The following CELF2 variants were observed in gnomAD, a reference collection of about 807,000 sequenced individuals.
CELF2 encodes the protein CUGBP Elav-like family member 2.
CELF2 carries 8 observed loss-of-function variants against 62.6 expected under a neutral mutation model. That is an observed-to-expected ratio of 0.13 (90% CI 0.07 to 0.23). CELF2 has a LOEUF of 0.23. Ranked by LOEUF, CELF2 falls within the 10% of genes least tolerant of loss-of-function variation. The pLI is 1.00. For missense variants in CELF2, 333 were observed against 671.0 expected, an observed-to-expected ratio of 0.50 and a Z score of 5.56; for synonymous variants, 258 against 250.0, an observed-to-expected ratio of 1.03 and a Z score of -0.30.
the CELF2 span, among the ~76,000 whole-genome samples, chr10:10,618,627 G>T: frequency 1.3e-5 from 2 of 152,178 alleles, no homozygotes; most frequent in African/African-American, 4.8e-5. Flanking sequence ...TAAGTTCCCT[G>T]AGGACAGGAA....
At chr10:10,793,831 C>A (rs1278906693), upstream of CELF2, among the ~76,000 whole-genome samples, 1 of 152,078 alleles carries the variant, frequency 6.6e-6, no homozygotes, top group Non-Finnish European at 1.5e-5. Flanking sequence ...CCATTACCAA[C>A]CTCCATAAAT....
the CELF2 span, among the ~76,000 whole-genome samples, chr10:10,732,669 A>G: frequency 6.6e-6 from 1 of 151,746 alleles, no homozygotes; most frequent in African/African-American, 2.4e-5. Context: ...GATTACAGGC[A>G]CCCACCACCA....
the CELF2 span, among the ~76,000 whole-genome samples, chr10:10,624,288 A>G: frequency 2.0e-5 from 3 of 152,218 alleles, no homozygotes; most frequent in African/African-American, 7.2e-5. Flanking sequence ...CAGTTTTTAC[A>G]GTCCTCAACT....
chr10:11,278,751 G>C (rs368329823), intron 8 of CELF2, among the ~76,000 whole-genome samples: 3 of 152,220 alleles, frequency 2.0e-5, no homozygotes, highest in African/African-American at 7.2e-5. Flanking sequence ...AGTAATGTGA[G>C]ACCACAGCAC....
chr10:11,175,062 GC>G lies in CELF2; in HGVS notation c.271+9387del, dbSNP rs10629889. ...GCTAGTATTAACATGTTTAAAGTCT[GC>G]CCCCCCGCCCCAAATGCTAAACGTT... On this transcript the variant is annotated intron_variant, in intron 2 of 12. Coordinates refer to ENST00000633077, the MANE Select transcript of CELF2 (RefSeq NM_001326342.2). 4.2e-5 allele frequency among the ~76,000 whole-genome samples: 6 copies of G among 143,206 alleles called. No individual in the cohort carries two copies. The East Asian group carries it at 1.1e-3, about 26-fold the overall frequency. 93.9% of individuals were successfully genotyped at this position (143,206 alleles called of 152,430 possible).
At chr10:11,017,868 C>T, upstream of CELF2, 1 of 856,928 alleles carries the variant, frequency 1.2e-6, no homozygotes, top group Non-Finnish European at 1.4e-6. The surrounding 1 kb of genome is among the most constrained non-coding windows in gnomAD (Gnocchi z 5.5). Context: ...GCCCCGCGAG[C>T]TCCGCCCCCG....
At chr10:10,809,759 T>C (rs1320489428) in intron 1 of CELF2, among the ~76,000 whole-genome samples, 1 of 152,210 alleles carries the variant, frequency 6.6e-6, no homozygotes, top group Non-Finnish European at 1.5e-5. Context: ...ATTCTTGAAC[T>C]GAAGTTTGTG....
intron 1 of CELF2, among the ~76,000 whole-genome samples, chr10:11,036,595 A>G (rs2060985183): frequency 1.3e-5 from 2 of 152,206 alleles, no homozygotes; most frequent in African/African-American, 4.8e-5. Context: ...TAGATAAATA[A>G]ATGGGAATCA....
chr10:11,187,254 T>C (rs1442209359), intron 2 of CELF2, among the ~76,000 whole-genome samples: 1 of 152,242 alleles, frequency 6.6e-6, no homozygotes, highest in East Asian at 1.9e-4. Context: ...GTGTTCTCTT[T>C]GTGAATTGAC....
At chr10:11,138,718 C>T (rs1317951191) in intron 1 of CELF2, among the ~76,000 whole-genome samples, 2 of 152,192 alleles carry the variant, frequency 1.3e-5, no homozygotes, top group African/African-American at 4.8e-5. Context: ...AGCCAAGATG[C>T]TAAAATGAGT....
the CELF2 span, among the ~76,000 whole-genome samples, chr10:10,589,707 C>T: frequency 4.6e-5 from 7 of 152,254 alleles, no homozygotes; most frequent in South Asian, 1.0e-3. Flanking sequence ...CAAGAAAAGA[C>T]GTGAGTCACT....
chr10:10,573,952 G>C, the CELF2 span, among the ~76,000 whole-genome samples: 1 of 152,038 alleles, frequency 6.6e-6, no homozygotes, highest in African/African-American at 2.4e-5. Flanking sequence ...AAATGCCAAA[G>C]AGAAGTATTC....
the CELF2 span, among the ~76,000 whole-genome samples, chr10:10,752,971 C>T: frequency 2.6e-5 from 4 of 152,146 alleles, no homozygotes; most frequent in Admixed American, 2.6e-4. Context: ...CCAAACATCA[C>T]ATAACGTACT....
intron 2 of CELF2, among the ~76,000 whole-genome samples, chr10:10,945,376 A>T (rs1428039407): frequency 1.3e-5 from 2 of 152,192 alleles, no homozygotes; most frequent in African/African-American, 4.8e-5. Context: ...AGACCCCAGC[A>T]TATGCCACCT....
chr10:11,236,028 A>G (rs1291412413), intron 3 of CELF2, among the ~76,000 whole-genome samples: 5 of 152,204 alleles, frequency 3.3e-5, no homozygotes, highest in Non-Finnish European at 7.3e-5. Context: ...TTCCTAAACC[A>G]ATGAAATCAT....
At chr10:10,856,514 C>T (rs2059719504) in intron 1 of CELF2, among the ~76,000 whole-genome samples, 1 of 152,106 alleles carries the variant, frequency 6.6e-6, no homozygotes, top group Non-Finnish European at 1.5e-5. Flanking sequence ...TTATCATATT[C>T]TTCTGCTTAC....
At position 11,243,376 on chromosome 10, in the gene CELF2, A is replaced by AT. The variant is rs1237831656; in HGVS notation, c.355-5777_355-5776insT. ...ATGTTATTCAAAAAAAAAAAAAAAA[A>AT]GCTTCTAAAAATTCATGTACCATCA... On this transcript the variant is annotated intron_variant, in intron 3 of 12. Transcript: ENST00000633077. The surrounding 1 kb of genome is among the most constrained non-coding windows in gnomAD (Gnocchi z 4.1). Among the ~76,000 whole-genome samples the AT allele has an allele frequency of 1.3e-5, 2 of 150,852 alleles. No individual in the cohort carries two copies. Among genetic ancestry groups the AT allele is most frequent in the Admixed American group, 1.3e-4 (2 of 15,194 alleles).
the CELF2 span, among the ~76,000 whole-genome samples, chr10:10,606,152 G>A: frequency 6.6e-6 from 1 of 152,162 alleles, no homozygotes; most frequent in Non-Finnish European, 1.5e-5. Flanking sequence ...GGGGTAGAAG[G>A]ATTCAGTGAC....
chr10:10,569,955 T>A, the CELF2 span, among the ~76,000 whole-genome samples: 1 of 152,158 alleles, frequency 6.6e-6, no homozygotes, highest in Admixed American at 6.5e-5. Context: ...TCCTCCCAAA[T>A]CTAGCATGGA....
Sources: allele counts gnomAD v4.1 joint callset (sites outside exome capture counted in the v4.1 genomes callset), GRCh38; gene constraint gnomAD v4.1.1; non-coding constraint Gnocchi (gnomAD v3.1); transcripts MANE v1.5; gene names NCBI Gene and HGNC (gene_info 2026-07-23, HGNC 2026-07-21).